TANGO6: variants seen among roughly 807,000 people sequenced by gnomAD.
The protein encoded by TANGO6 is transport and golgi organization 6 homolog, also known as transport and Golgi organization protein 6 homolog.
TANGO6 carries 90 observed loss-of-function variants against 114.2 expected under a neutral mutation model. That is an observed-to-expected ratio of 0.79 (90% CI 0.66 to 0.94). TANGO6 has a LOEUF of 0.94. TANGO6 is among the 40% of genes least tolerant of loss of function. The pLI, the probability that TANGO6 is intolerant of heterozygous loss-of-function variation, is 0.00. For missense variants in TANGO6, 1,274 were observed against 1,315.3 expected (o/e 0.97, Z 0.49); for synonymous variants, 477 against 509.8 (o/e 0.94, Z 0.87).
intron 7 of TANGO6, among the ~76,000 whole-genome samples, chr16:68,887,908 A>G (rs1962560370): frequency 6.6e-6 from 1 of 152,120 alleles, no homozygotes; most frequent in African/African-American, 2.4e-5. Context: ...ACAACAAAAA[A>G]GAGTAAACCC....
chr16:69,061,513 A>G (rs956518963), intron 17 of TANGO6, among the ~76,000 whole-genome samples: 19 of 152,146 alleles, frequency 1.2e-4, no homozygotes, highest in Non-Finnish European at 1.5e-5. Flanking sequence ...AGATCGCGCC[A>G]CCGCACTCCA....
chr16:69,078,041 A>ACCTAGGTG (rs1960406783), intron 17 of TANGO6, among the ~76,000 whole-genome samples: 1 of 152,128 alleles, frequency 6.6e-6, no homozygotes, highest in South Asian at 2.1e-4. Flanking sequence ...AGGAAGACTT[A>ACCTAGGTG]CCTAGGTGCG....
Position 69,006,706 on chromosome 16 carries a change from G to A in TANGO6, c.2843-16122G>A, listed in dbSNP as rs532697156. On this transcript the variant is annotated intron_variant, in intron 15 of 17. Coordinates refer to ENST00000261778, the MANE Select transcript of TANGO6 (RefSeq NM_024562.2). ...GCGGTGGTTGCAGTGAACTGAGATC[G>A]CACCACTGCACTCCAGCCTGGGTAA... 4.6e-5 allele frequency among the ~76,000 whole-genome samples: 7 copies of A among 152,156 alleles called. No homozygotes were observed. In the East Asian group the frequency reaches 5.8e-4, roughly 13 times the overall value.
chr16:69,062,672 CA>C (rs1960139135), intron 17 of TANGO6, among the ~76,000 whole-genome samples: 1 of 150,658 alleles, frequency 6.6e-6, no homozygotes, highest in Non-Finnish European at 1.5e-5. Flanking sequence ...AGGGTTTCAC[CA>C]TGTGGGCGAG....
chr16:69,024,298 G>A (rs545140609), intron 16 of TANGO6, among the ~76,000 whole-genome samples: 13 of 137,952 alleles, frequency 9.4e-5, no homozygotes, highest in Non-Finnish European at 1.9e-4. Flanking sequence ...ACAGAGTCTC[G>A]CTCTGTAGCC....
chr16:68,886,039 C>T (rs774213970), intron 7 of TANGO6, among the ~76,000 whole-genome samples: 4 of 152,106 alleles, frequency 2.6e-5, no homozygotes, highest in Non-Finnish European at 4.4e-5. Context: ...TACATCTGGC[C>T]AAAATTTTTT....
At chr16:68,979,971 G>A (rs1432674707) in intron 15 of TANGO6, among the ~76,000 whole-genome samples, 2 of 151,646 alleles carry the variant, frequency 1.3e-5, no homozygotes, top group Admixed American at 1.3e-4. Flanking sequence ...AGCCTCCTGA[G>A]TAGCTGGGAC....
chr16:68,908,953 TG>T (rs1474993083), intron 10 of TANGO6, among the ~76,000 whole-genome samples: 70 of 152,334 alleles, frequency 4.6e-4, no homozygotes, highest in African/African-American at 1.6e-3. Context: ...GTAGTGTTTT[TG>T]AGATCTATCT....
At chr16:69,020,908 G>A (rs778219851) in intron 15 of TANGO6, among the ~76,000 whole-genome samples, 1,434 of 43,044 alleles carry the variant, frequency 0.033, 19 homozygotes, top group Non-Finnish European at 0.048. Context: ...GTATGTATGT[G>A]TGTGTGTGTG....
intron 17 of TANGO6, among the ~76,000 whole-genome samples, chr16:69,073,652 G>A (rs1256821648): frequency 1.3e-5 from 2 of 152,132 alleles, no homozygotes; most frequent in Non-Finnish European, 2.9e-5. Flanking sequence ...CTTGCCCAAA[G>A]ACAGGTTAGA....
chr16:68,919,108 A>C lies in TANGO6; in HGVS notation c.2016A>C (p.Thr672=), dbSNP rs760730449. 1.9e-6 allele frequency: 3 copies of C among 1,613,196 alleles called. No homozygotes were observed. Among genetic ancestry groups the C allele is most frequent in the Non-Finnish European group, 2.5e-6 (3 of 1,179,690 alleles). Residue 672 remains threonine (T), a synonymous_variant, in exon 12 of 18, where the codon ACA becomes ACC. Coordinates refer to ENST00000261778, the MANE Select transcript of TANGO6 (RefSeq NM_024562.2). ...VTQVVDFVAA[T]LQRACASLAH... The stretch of plus-strand genomic sequence containing the variant: ...AGGTGGTGGACTTTGTAGCAGCAAC[A>C]TTGCAGAGAGCCTGTGCAAGCCTGG...
intron 17 of TANGO6, among the ~76,000 whole-genome samples, chr16:69,079,535 G>A (rs1455707104): frequency 6.6e-6 from 1 of 151,510 alleles, no homozygotes; most frequent in Non-Finnish European, 1.5e-5. Flanking sequence ...ATGCCAACTG[G>A]GAGAAAAATA....
At chr16:69,049,209 A>G (rs1442633129) in intron 17 of TANGO6, among the ~76,000 whole-genome samples, 1 of 152,116 alleles carries the variant, frequency 6.6e-6, no homozygotes, top group African/African-American at 2.4e-5. Context: ...GCCCCCCAAA[A>G]GAAACTCCAT....
At chr16:68,930,945 T>A (rs1188804872) in intron 14 of TANGO6, among the ~76,000 whole-genome samples, 1 of 152,148 alleles carries the variant, frequency 6.6e-6, no homozygotes, top group Admixed American at 6.5e-5. Flanking sequence ...CCTCAACTAC[T>A]GTCTATATGC....
At chr16:68,891,912 A>G (rs1439065874) in intron 7 of TANGO6, among the ~76,000 whole-genome samples, 1 of 142,198 alleles carries the variant, frequency 7.0e-6, no homozygotes, top group Non-Finnish European at 1.5e-5. Context: ...GAGAGGAAGG[A>G]AGGAAGGCAG....
intron 15 of TANGO6, among the ~76,000 whole-genome samples, chr16:68,980,409 C>CTCTCTCTCTATATATA (rs1408626276): frequency 4.4e-5 from 3 of 67,992 alleles, no homozygotes; most frequent in African/African-American, 2.0e-4. Flanking sequence ...CTCTCTCTCT[C>CTCTCTCTCTATATATA]TATATATATA....
intron 17 of TANGO6, among the ~76,000 whole-genome samples, chr16:69,072,822 G>T (rs750195425): frequency 1.3e-5 from 2 of 152,138 alleles, no homozygotes; most frequent in Non-Finnish European, 2.9e-5. Context: ...TGCCCAGGGG[G>T]AAATTCCTAC....
intron 17 of TANGO6, among the ~76,000 whole-genome samples, chr16:69,058,266 C>T (rs962059032): frequency 6.6e-6 from 1 of 152,154 alleles, no homozygotes; most frequent in East Asian, 1.9e-4. Context: ...ATTGTTTGCT[C>T]ATAGCAAATC....
chr16:68,899,817 C>T (rs1962759512), intron 7 of TANGO6, among the ~76,000 whole-genome samples: 1 of 152,056 alleles, frequency 6.6e-6, no homozygotes, highest in South Asian at 2.1e-4. Flanking sequence ...CCCAGCTAGG[C>T]TTGAATCCTG....
Sources: allele counts gnomAD v4.1 joint callset (sites outside exome capture counted in the v4.1 genomes callset), GRCh38; gene constraint gnomAD v4.1.1; transcripts MANE v1.5; gene names NCBI Gene and HGNC (gene_info 2026-07-23, HGNC 2026-07-21).